The following OR3A2 variants were observed in gnomAD, a reference collection of about 807,000 sequenced individuals.
OR3A2 encodes olfactory receptor 3A2.
For missense variants in OR3A2, 318 were observed against 392.8 expected (o/e 0.81, Z 1.61); for synonymous variants, 126 against 159.3 (o/e 0.79, Z 1.57).
intron 2 of OR3A2, among the ~76,000 whole-genome samples, chr17:3,342,235 T>C (rs1169483352): frequency 1.3e-5 from 2 of 152,202 alleles, no homozygotes; most frequent in Non-Finnish European, 2.9e-5. Flanking sequence ...CAGAGAAGTT[T>C]GTTATTACCG....
chr17:3,301,667 C>T (rs2048967088), intron 3 of OR3A2, among the ~76,000 whole-genome samples: 1 of 152,108 alleles, frequency 6.6e-6, no homozygotes, highest in South Asian at 2.1e-4. Flanking sequence ...ATGGTAGTTT[C>T]TTTTGCTGTG....
At chr17:3,361,749 C>A (rs962174057) in intron 2 of OR3A2, among the ~76,000 whole-genome samples, 2 of 151,720 alleles carry the variant, frequency 1.3e-5, no homozygotes, top group African/African-American at 4.9e-5. Flanking sequence ...ACCAGCCTTG[C>A]ATCCCAGGGA....
intron 2 of OR3A2, among the ~76,000 whole-genome samples, chr17:3,344,052 G>T (rs964010636): frequency 6.6e-6 from 1 of 152,118 alleles, no homozygotes. Context: ...ACCTTGTTTT[G>T]ATTTTTCCAC....
At chr17:3,308,431 T>C (rs534326895) in intron 3 of OR3A2, among the ~76,000 whole-genome samples, 1 of 152,242 alleles carries the variant, frequency 6.6e-6, no homozygotes, top group East Asian at 1.9e-4. Flanking sequence ...TCTCACAGCT[T>C]GGTCTCCATA....
chr17:3,367,593 G>A (rs965911582), intron 2 of OR3A2, among the ~76,000 whole-genome samples: 1 of 90,210 alleles, frequency 1.1e-5, no homozygotes, highest in Non-Finnish European at 2.0e-5. Flanking sequence ...GTATATGTGT[G>A]TGTGTGTGTA....
At chr17:3,303,653 G>T (rs1380632772) in intron 3 of OR3A2, among the ~76,000 whole-genome samples, 1 of 151,442 alleles carries the variant, frequency 6.6e-6, no homozygotes, top group Admixed American at 6.6e-5. Flanking sequence ...GCTGAGGCAG[G>T]AGGATCGCTT....
chr17:3,283,533 A>G (rs1462051443), intron 1 of OR3A2, among the ~76,000 whole-genome samples: 2 of 152,154 alleles, frequency 1.3e-5, no homozygotes, highest in Admixed American at 6.5e-5. Context: ...CCGGTATCCA[A>G]TATTTCTTAA....
exon 2 of OR3A2, chr17:3,277,688 T>C (rs928494115): frequency 3.8e-5 from 13 of 346,614 alleles, no homozygotes; most frequent in African/African-American, 2.4e-4. Context: ...CTTATTTACT[T>C]TGTCTACTTT....
chr17:3,282,992 CCTT>C (rs1422666138), intron 1 of OR3A2, among the ~76,000 whole-genome samples: 1 of 151,878 alleles, frequency 6.6e-6, no homozygotes. Context: ...ATCTCTCTCT[CCTT>C]CTTCCTCTCT....
At chr17:3,341,837 TG>T in intron 2 of OR3A2, among the ~76,000 whole-genome samples, 1 of 152,376 alleles carries the variant, frequency 6.6e-6, no homozygotes, top group Admixed American at 6.5e-5. Flanking sequence ...GAAGTTCTCC[TG>T]GATAATATCT....
At chr17:3,378,650 C>A (rs1285444510) in intron 2 of OR3A2, among the ~76,000 whole-genome samples, 1 of 152,164 alleles carries the variant, frequency 6.6e-6, no homozygotes, top group Non-Finnish European at 1.5e-5. Context: ...CCTGCTGCAG[C>A]TGGCATCCCC....
At chr17:3,360,452 T>C (rs1395885728) in intron 2 of OR3A2, among the ~76,000 whole-genome samples, 1 of 151,940 alleles carries the variant, frequency 6.6e-6, no homozygotes, top group African/African-American at 2.4e-5. Flanking sequence ...TTGGCTTTTG[T>C]TGCCATTGCT....
At chr17:3,351,783 T>C (rs908612935) in intron 2 of OR3A2, among the ~76,000 whole-genome samples, 1 of 152,072 alleles carries the variant, frequency 6.6e-6, no homozygotes, top group Non-Finnish European at 1.5e-5. Flanking sequence ...CTTCCAACTA[T>C]ACTGCAAGGC....
intron 3 of OR3A2, chr17:3,292,379 G>C: frequency 6.2e-7 from 1 of 1,614,090 alleles, no homozygotes; most frequent in South Asian, 1.1e-5. Flanking sequence ...GCACTGATAG[G>C]TTCCCCAGGA....
intron 3 of OR3A2, among the ~76,000 whole-genome samples, chr17:3,308,905 GTATTT>G (rs6145955): frequency 6.6e-6 from 1 of 150,618 alleles, no homozygotes; most frequent in Admixed American, 6.6e-5. Flanking sequence ...GGATCACTGA[GTATTT>G]TATTTTATTT....
chr17:3,286,668 A>G (rs530305450), upstream of OR3A2, among the ~76,000 whole-genome samples: 2 of 151,612 alleles, frequency 1.3e-5, no homozygotes, highest in African/African-American at 4.9e-5. Flanking sequence ...GCATTTCTCT[A>G]ATGACCAGTG....
At chr17:3,334,058 T>C (rs930255525) in intron 3 of OR3A2, among the ~76,000 whole-genome samples, 2 of 152,024 alleles carry the variant, frequency 1.3e-5, no homozygotes, top group Non-Finnish European at 2.9e-5. Context: ...AATTAAGATA[T>C]CATCTCACAC....
At chr17:3,282,540 A>G (rs2048783665) in intron 1 of OR3A2, among the ~76,000 whole-genome samples, 1 of 152,186 alleles carries the variant, frequency 6.6e-6, no homozygotes, top group Non-Finnish European at 1.5e-5. Context: ...CTTCCAAATG[A>G]GGTCTCCACT....
At chr17:3,317,971 C>T (rs2049091263) in intron 3 of OR3A2, among the ~76,000 whole-genome samples, 2 of 151,602 alleles carry the variant, frequency 1.3e-5, no homozygotes, top group Admixed American at 6.6e-5. Flanking sequence ...TGATTAATCT[C>T]TTGGGATCCA....
Sources: gnomAD v4.1 joint callset for allele counts (sites outside exome capture counted in the v4.1 genomes callset) on GRCh38, gnomAD v4.1.1 for gene constraint, MANE v1.5 for transcripts, NCBI Gene and HGNC (gene_info 2026-07-23, HGNC 2026-07-21) for gene names.